The following GRIA4 variants were observed in gnomAD, a reference collection of about 807,000 sequenced individuals.
GRIA4 encodes the protein glutamate receptor 4.
Under a neutral mutation model 104.0 loss-of-function variants are expected in GRIA4, and 34 were observed. That is an observed-to-expected ratio of 0.33 (90% CI 0.25 to 0.44). The LOEUF (loss-of-function observed/expected upper bound fraction) is 0.44, where lower values mean the gene tolerates loss of function less well. Ranked by LOEUF, GRIA4 falls within the 20% of genes least tolerant of loss-of-function variation. The pLI, the probability that GRIA4 is intolerant of heterozygous loss-of-function variation, is 1.00. For missense variants in GRIA4, 750 were observed against 1,096.5 expected (o/e 0.68, Z 4.46); for synonymous variants, 386 against 381.9 (o/e 1.01, Z -0.13).
At chr11:105,977,595 C>T (rs1008653470) in intron 16 of GRIA4, among the ~76,000 whole-genome samples, 1 of 151,880 alleles carries the variant, frequency 6.6e-6, no homozygotes, top group Non-Finnish European at 1.5e-5. Flanking sequence ...GTTCTGACCC[C>T]CAAAATGTCC....
At chr11:105,800,600 T>G (rs1424848450) in intron 4 of GRIA4, among the ~76,000 whole-genome samples, 2 of 152,082 alleles carry the variant, frequency 1.3e-5, no homozygotes, top group African/African-American at 4.8e-5. Context: ...CATATTTAAA[T>G]TCAGACATGA....
intron 3 of GRIA4, among the ~76,000 whole-genome samples, chr11:105,635,237 C>A (rs1353368371): frequency 6.6e-6 from 1 of 151,930 alleles, no homozygotes; most frequent in Non-Finnish European, 1.5e-5. Flanking sequence ...GGAAATTAAC[C>A]TCTCTGTAGG....
At chr11:105,818,761 A>G (rs1565260954) in intron 4 of GRIA4, among the ~76,000 whole-genome samples, 1 of 152,176 alleles carries the variant, frequency 6.6e-6, no homozygotes, top group African/African-American at 2.4e-5. Context: ...CAGGCACAGA[A>G]GGGCTTGAGC....
chr11:105,859,527 C>A (rs774562019), intron 4 of GRIA4, among the ~76,000 whole-genome samples: 9 of 152,122 alleles, frequency 5.9e-5, no homozygotes, highest in Non-Finnish European at 1.5e-5. Context: ...CTATAAATTT[C>A]ATCAGAAGGT....
At chr11:105,644,783 C>T (rs1402925823) in intron 3 of GRIA4, among the ~76,000 whole-genome samples, 1 of 152,126 alleles carries the variant, frequency 6.6e-6, no homozygotes, top group Non-Finnish European at 1.5e-5. Flanking sequence ...ATAGCCCACA[C>T]TGTTACATCA....
chr11:105,814,688 T>C (rs1482840282), intron 4 of GRIA4, among the ~76,000 whole-genome samples: 1 of 152,140 alleles, frequency 6.6e-6, no homozygotes, highest in East Asian at 1.9e-4. Context: ...AAAAAAAGAA[T>C]TGGCTACATT....
chr11:105,630,994 T>G (rs1189323208), intron 3 of GRIA4, among the ~76,000 whole-genome samples: 1 of 152,228 alleles, frequency 6.6e-6, no homozygotes, highest in Non-Finnish European at 1.5e-5. Flanking sequence ...CAGCTCTTTA[T>G]TTAAAATTCT....
intron 5 of GRIA4, among the ~76,000 whole-genome samples, chr11:105,874,666 T>G (rs1945749372): frequency 6.6e-6 from 1 of 152,188 alleles, no homozygotes; most frequent in Non-Finnish European, 1.5e-5. Context: ...AGGTATTTTA[T>G]TCTCTTTGTA....
chr11:105,716,023 C>T (rs1265371298), intron 3 of GRIA4, among the ~76,000 whole-genome samples: 1 of 152,136 alleles, frequency 6.6e-6, no homozygotes, highest in Non-Finnish European at 1.5e-5. Flanking sequence ...CTGTTACAAA[C>T]ATTAAAAATA....
intron 4 of GRIA4, among the ~76,000 whole-genome samples, chr11:105,829,657 G>A (rs1347808764): frequency 2.0e-5 from 3 of 151,848 alleles, no homozygotes; most frequent in African/African-American, 2.4e-5. Context: ...ACACTATGTC[G>A]ACATATACTA....
intron 3 of GRIA4, among the ~76,000 whole-genome samples, chr11:105,616,193 A>AT (rs1417630192): frequency 5.3e-5 from 8 of 151,126 alleles, no homozygotes; most frequent in East Asian, 3.9e-4. Context: ...TTTTAAAGTG[A>AT]TTTTTTTATC....
At chr11:105,881,291 T>A (rs1301986174) in intron 5 of GRIA4, among the ~76,000 whole-genome samples, 1 of 152,126 alleles carries the variant, frequency 6.6e-6, no homozygotes, top group Non-Finnish European at 1.5e-5. Context: ...ACTTCTAAAC[T>A]CTTCCTTCTC....
chr11:105,936,111 T>C (rs535329568), intron 14 of GRIA4, among the ~76,000 whole-genome samples: 1 of 152,254 alleles, frequency 6.6e-6, no homozygotes, highest in Non-Finnish European at 1.5e-5. Flanking sequence ...AGCATGCACC[T>C]CACCCCACCT....
chr11:105,692,642 T>G (rs936015399), intron 3 of GRIA4, among the ~76,000 whole-genome samples: 1 of 152,240 alleles, frequency 6.6e-6, no homozygotes, highest in African/African-American at 2.4e-5. Context: ...GGTAACTCAT[T>G]ATTTCAACTT....
chr11:105,791,309 C>T (rs1360849174), intron 4 of GRIA4, among the ~76,000 whole-genome samples: 2 of 152,084 alleles, frequency 1.3e-5, no homozygotes, highest in South Asian at 2.1e-4. Flanking sequence ...TTGTGATATG[C>T]ATTTATATTC....
chr11:105,760,117 T>C (rs1954763), intron 4 of GRIA4, among the ~76,000 whole-genome samples: 67,848 of 151,952 alleles, frequency 0.45, 15,709 homozygotes, highest in Middle Eastern at 0.52. Context: ...ACAAAACTCA[T>C]TATTTCAAGA....
chr11:105,612,499 C>G, intron 3 of GRIA4, 65 bp downstream of exon 3: 1 of 1,245,650 alleles, frequency 8.0e-7, no homozygotes, highest in Non-Finnish European at 1.1e-6. Flanking sequence ...AGTCCTCTTC[C>G]TCTTTGTTAT....
chr11:105,671,825 GA>G (rs1952383982), intron 3 of GRIA4, among the ~76,000 whole-genome samples: 1 of 151,636 alleles, frequency 6.6e-6, no homozygotes, highest in Non-Finnish European at 1.5e-5. Context: ...TCTTACAGTT[GA>G]TATTTAGGCT....
intron 3 of GRIA4, among the ~76,000 whole-genome samples, chr11:105,701,035 T>C (rs1436294994): frequency 6.6e-6 from 1 of 152,196 alleles, no homozygotes; most frequent in Admixed American, 6.6e-5. Flanking sequence ...TAACTTATGC[T>C]TGTTCTTGCC....
Sources: gnomAD v4.1 joint callset for allele counts (sites outside exome capture counted in the v4.1 genomes callset) on GRCh38, gnomAD v4.1.1 for gene constraint, MANE v1.5 for transcripts, NCBI Gene and HGNC (gene_info 2026-07-23, HGNC 2026-07-21) for gene names.